Variants in MYOM1 observed in about 807,000 individuals in gnomAD.
MYOM1 encodes the protein myomesin 1.
A neutral mutation model predicts 205.3 loss-of-function variants in MYOM1; 164 were observed. The observed-to-expected ratio is 0.80, with a 90% confidence interval of 0.70 to 0.91. MYOM1 has a LOEUF of 0.91. MYOM1 is among the 40% of genes least tolerant of loss of function. The pLI, the probability that MYOM1 is intolerant of heterozygous loss-of-function variation, is 0.00. For synonymous variants in MYOM1, 772 were observed against 789.4 expected (o/e 0.98, Z 0.37); for missense variants, 2,011 against 2,127.3 (o/e 0.95, Z 1.08).
chr18:3,177,463 T>TATTATTATC (rs1451147006), intron 5 of MYOM1, among the ~76,000 whole-genome samples: 2 of 144,128 alleles, frequency 1.4e-5, no homozygotes, highest in African/African-American at 5.1e-5. Flanking sequence ...TTATTATTAT[T>TATTATTATC]ATTATTATTA....
rs924081617 is a variant in MYOM1 at position 3,155,019 on chromosome 18, T to A, written c.1571A>T (p.Asp524Val). ...CTGTTTCCAGGAGATGATGATATAA[T>A]CTTTGTTGGCCTCCAAGCACTTCAC... ...LDVKCLEANKDYIIISWKQPA... is the reference protein window; with the variant it reads ...LDVKCLEANKVYIIISWKQPA... The change falls in exon 11 of 38, where the codon GAT becomes GTT. Residue 524 changes from aspartate (D) to valine (V), a missense_variant. Coordinates refer to ENST00000356443, the MANE Select transcript of MYOM1 (RefSeq NM_003803.4). 7.4e-6 allele frequency: 12 copies of A among 1,613,508 alleles called. No homozygotes were observed. The Middle Eastern group carries it at 1.2e-3, about 155-fold the overall frequency.
chr18:3,070,187 T>C (rs2078943259), intron 37 of MYOM1, among the ~76,000 whole-genome samples: 1 of 152,230 alleles, frequency 6.6e-6, no homozygotes. Flanking sequence ...CACTGTGTTG[T>C]CCAGGCTGAA....
chr18:3,241,234 A>G, the MYOM1 span, among the ~76,000 whole-genome samples: 4 of 152,354 alleles, frequency 2.6e-5, no homozygotes, highest in Non-Finnish European at 4.4e-5. Context: ...AGGGCATCTC[A>G]GAGGTCTTCA....
chr18:3,235,479 T>G, the MYOM1 span, among the ~76,000 whole-genome samples: 1 of 152,232 alleles, frequency 6.6e-6, no homozygotes, highest in Non-Finnish European at 1.5e-5. Flanking sequence ...CCACTGACCT[T>G]TGAAACATGG....
chr18:3,221,483 C>T (rs1397934944), upstream of MYOM1, among the ~76,000 whole-genome samples: 1 of 152,212 alleles, frequency 6.6e-6, no homozygotes, highest in Non-Finnish European at 1.5e-5. Context: ...CAAGGTACAG[C>T]TTCATTACCC....
the MYOM1 span, among the ~76,000 whole-genome samples, chr18:3,232,724 A>AC: frequency 2.0e-5 from 3 of 152,226 alleles, no homozygotes; most frequent in Non-Finnish European, 2.9e-5. Flanking sequence ...TTCCATGCTT[A>AC]CCTATAATTC....
At chr18:3,207,095 T>C (rs1043784352) in intron 2 of MYOM1, among the ~76,000 whole-genome samples, 1 of 152,202 alleles carries the variant, frequency 6.6e-6, no homozygotes, top group Non-Finnish European at 1.5e-5. Context: ...TCCATTGATA[T>C]GTAACATTTT....
At chr18:3,148,358 G>A (rs1326909290) in intron 13 of MYOM1, among the ~76,000 whole-genome samples, 1 of 152,144 alleles carries the variant, frequency 6.6e-6, no homozygotes, top group Non-Finnish European at 1.5e-5. Flanking sequence ...ACGTAGATAA[G>A]TCTCAAAATA....
intron 4 of MYOM1, 101 bp downstream of exon 4, chr18:3,188,647 A>G (rs1383232915): frequency 8.1e-7 from 1 of 1,238,226 alleles, no homozygotes; most frequent in Non-Finnish European, 1.1e-6. Flanking sequence ...AAAAAAAAAG[A>G]AACAAATCAA....
Position 3,151,774 on chromosome 18 carries a change from T to G in MYOM1, c.1763A>C (p.Asn588Thr), listed in dbSNP as rs2080225793. 1.2e-6 allele frequency: 2 copies of G among 1,613,970 alleles called. No individual in the cohort carries two copies. Among genetic ancestry groups the G allele is most frequent in the South Asian group, 2.2e-5 (2 of 91,086 alleles). Residue 588 changes from asparagine to threonine, a missense_variant, in exon 12 of 38, where the codon AAT (asparagine) becomes ACT (threonine). Transcript: ENST00000356443. ...RSYIFRVRAV[N>T]KMGIGFPSRV... ...AGATGGGAAACCTATTCCCATTTTATTCACAGCTCGAACTCGGAAGATATA... is the reference window on the plus strand; with the variant it reads ...AGATGGGAAACCTATTCCCATTTTAGTCACAGCTCGAACTCGGAAGATATA...
At chr18:3,145,488 G>A (rs760035004) in intron 13 of MYOM1, among the ~76,000 whole-genome samples, 1 of 151,942 alleles carries the variant, frequency 6.6e-6, no homozygotes, top group Non-Finnish European at 1.5e-5. Context: ...AAATATACTT[G>A]GGAAATCTGC....
At position 3,193,952 on chromosome 18, in the gene MYOM1, T is replaced by C. The variant is rs369402806; in HGVS notation, c.297A>G (p.Thr99=). 3.1e-6 allele frequency: 5 copies of C among 1,613,364 alleles called. No homozygotes were observed. Among genetic ancestry groups the C allele is most frequent in the Middle Eastern group, 1.6e-4 (1 of 6,084 alleles). The change falls in exon 3 of 38, where the codon ACA becomes ACG. Residue 99 remains threonine, a synonymous_variant. Coordinates refer to ENST00000356443, the MANE Select transcript of MYOM1 (RefSeq NM_003803.4). ...AATCATCTAACAGCAGACTGGAATCTGTAAGTCTGAAATAAACCACCTAAC... is the reference window on the plus strand; with the variant it reads ...AATCATCTAACAGCAGACTGGAATCCGTAAGTCTGAAATAAACCACCTAAC... ...AYDYGSSHGL[T]DSSLLLDDYS... is the part of the protein sequence containing the mutation.
chr18:3,209,722 T>C lies in MYOM1; in HGVS notation c.290+5212A>G, dbSNP rs1375241600. ...CCTCATGGCTACCTCTCTGAGCTAC[T>C]TCACTTCTTTGCTCAGATATCACCT... On this transcript the variant is annotated intron_variant, in intron 2 of 37. Coordinates refer to ENST00000356443, the MANE Select transcript of MYOM1 (RefSeq NM_003803.4). This position sits in a 1 kb window ranked among gnomAD's most constrained non-coding sequence, Gnocchi z 4.0. Among the ~76,000 whole-genome samples, 5 of 152,194 alleles carry C rather than the reference T, an allele frequency of 3.3e-5. No individual in the cohort carries two copies. The highest frequency in any genetic ancestry group is 2.0e-4 in the Admixed American group (3 of 15,282).
chr18:3,228,641 T>C, the MYOM1 span, among the ~76,000 whole-genome samples: 1 of 152,166 alleles, frequency 6.6e-6, no homozygotes, highest in Non-Finnish European at 1.5e-5. This position sits in a 1 kb window ranked among gnomAD's most constrained non-coding sequence, Gnocchi z 4.5. Context: ...ATTAATCCAT[T>C]TTAAGAGTAA....
intron 33 of MYOM1, among the ~76,000 whole-genome samples, chr18:3,082,056 G>A (rs1488250147): frequency 4.6e-5 from 7 of 152,164 alleles, no homozygotes; most frequent in African/African-American, 4.8e-5. Context: ...TATAAGGAGC[G>A]CACAACCTAG....
intron 10 of MYOM1, among the ~76,000 whole-genome samples, chr18:3,163,603 C>T (rs1477508739): frequency 6.6e-6 from 1 of 152,054 alleles, no homozygotes. Flanking sequence ...CAAGCGCGCA[C>T]CACCATGCCC....
In MYOM1 at chr18:3,066,843, T is replaced by A. The variant is rs182951309; in HGVS notation, c.*419A>T. ...GACAGACGTGAAAACTGTTTATTCA[T>A]ACAGAGGAGGTTCCAAGCCACGAGG... is the stretch of plus-strand genomic sequence containing the variant. On this transcript the variant is annotated 3_prime_UTR_variant, in exon 38 of 38. Transcript: ENST00000356443. 440 of 174,592 alleles carry A rather than the reference T, an allele frequency of 2.5e-3. 1 individual carries two copies. Among genetic ancestry groups the A allele is most frequent in the South Asian group, 5.3e-3 (39 of 7,310 alleles). 10.8% of individuals were successfully genotyped at this position (174,592 alleles called of 1,614,324 possible).
intron 33 of MYOM1, among the ~76,000 whole-genome samples, chr18:3,079,629 A>C (rs906121927): frequency 6.6e-6 from 1 of 151,080 alleles, no homozygotes; most frequent in African/African-American, 2.4e-5. Flanking sequence ...GGCATTAATT[A>C]TCTTTGTTTT....
intron 2 of MYOM1, among the ~76,000 whole-genome samples, chr18:3,204,599 T>C (rs1598769400): frequency 6.6e-6 from 1 of 152,024 alleles, no homozygotes; most frequent in South Asian, 2.1e-4. Context: ...AAGTATTTCA[T>C]GTTCATGGAA....
Sources: gnomAD v4.1 joint callset for allele counts (sites outside exome capture counted in the v4.1 genomes callset) on GRCh38, gnomAD v4.1.1 for gene constraint, Gnocchi (gnomAD v3.1) non-coding constraint, MANE v1.5 for transcripts, NCBI Gene and HGNC (gene_info 2026-07-23, HGNC 2026-07-21) for gene names.